VEPH1: variants seen among roughly 807,000 people sequenced by gnomAD.
The protein encoded by VEPH1 is ventricular zone-expressed PH domain-containing protein homolog 1.
Under a neutral mutation model 85.2 loss-of-function variants are expected in VEPH1, and 80 were observed. The ratio of observed to expected loss-of-function variants is 0.94; its 90% CI spans 0.78 to 1.13. The LOEUF (loss-of-function observed/expected upper bound fraction) is 1.13. VEPH1 is among the 50% of genes most tolerant of loss of function. VEPH1 has a pLI of 0.00. For synonymous variants in VEPH1, 297 were observed against 348.0 expected, an observed-to-expected ratio of 0.85 and a Z score of 1.63; for missense variants, 955 against 980.5, an observed-to-expected ratio of 0.97 and a Z score of 0.35.
intron 10 of VEPH1, among the ~76,000 whole-genome samples, chr3:157,315,082 A>T (rs1472611288): frequency 6.6e-6 from 1 of 152,122 alleles, no homozygotes; most frequent in East Asian, 1.9e-4. Context: ...AATGTATAAT[A>T]AAATAATGAG....
chr3:157,308,962 A>T (rs1221853171), intron 11 of VEPH1, among the ~76,000 whole-genome samples: 1 of 152,142 alleles, frequency 6.6e-6, no homozygotes, highest in East Asian at 1.9e-4. Flanking sequence ...CAGTAAAGTT[A>T]ATTATTATTA....
intron 11 of VEPH1, among the ~76,000 whole-genome samples, chr3:157,301,526 C>A (rs1169916232): frequency 6.6e-6 from 1 of 152,186 alleles, no homozygotes; most frequent in Non-Finnish European, 1.5e-5. Context: ...TAAAACAGCT[C>A]TCTACATATG....
intron 5 of VEPH1, among the ~76,000 whole-genome samples, chr3:157,414,331 T>G (rs923169208): frequency 1.3e-5 from 2 of 152,108 alleles, no homozygotes; most frequent in East Asian, 1.9e-4. Context: ...TGTTGAAGAG[T>G]GAAGTTTAAA....
At chr3:157,502,688 C>A (rs1740207203) in intron 1 of VEPH1, among the ~76,000 whole-genome samples, 1 of 151,966 alleles carries the variant, frequency 6.6e-6, no homozygotes, top group Admixed American at 6.6e-5. Flanking sequence ...ATATAAATGT[C>A]ATTTAATCCA....
chr3:157,272,413 T>TTCTC (rs1714799865), intron 12 of VEPH1, among the ~76,000 whole-genome samples: 1 of 147,788 alleles, frequency 6.8e-6, no homozygotes, highest in African/African-American at 2.5e-5. Flanking sequence ...CTTTCTTTCT[T>TTCTC]TCTTTCTTTC....
At chr3:157,364,535 A>C (rs1726423187) in intron 7 of VEPH1, 23 bp from the exon 8 acceptor site, 1 of 1,601,138 alleles carries the variant, frequency 6.2e-7, no homozygotes, top group Admixed American at 1.7e-5. Context: ...AAATCATTGC[A>C]TTAGATGCAG....
intron 10 of VEPH1, among the ~76,000 whole-genome samples, chr3:157,316,372 T>C (rs955315307): frequency 1.3e-5 from 2 of 151,810 alleles, no homozygotes; most frequent in African/African-American, 4.8e-5. Context: ...TTTTTCAACA[T>C]ATGTGTGACA....
chr3:157,431,597 A>C (rs1733156363), intron 4 of VEPH1, among the ~76,000 whole-genome samples: 1 of 152,016 alleles, frequency 6.6e-6, no homozygotes, highest in Non-Finnish European at 1.5e-5. Context: ...ATTACATAAC[A>C]TGTTCACAGG....
intron 9 of VEPH1, among the ~76,000 whole-genome samples, chr3:157,353,566 C>T (rs997106162): frequency 1.3e-5 from 2 of 152,052 alleles, no homozygotes; most frequent in Non-Finnish European, 2.9e-5. Context: ...GCACTCAGCC[C>T]CAGTGTGATT....
chr3:157,300,641 T>G (rs375549448), intron 11 of VEPH1, among the ~76,000 whole-genome samples: 13 of 152,270 alleles, frequency 8.5e-5, no homozygotes, highest in South Asian at 8.3e-4. Flanking sequence ...CTAAAGGAGA[T>G]AAGAGGATTA....
chr3:157,334,994 G>A, intron 9 of VEPH1, among the ~76,000 whole-genome samples: 1 of 152,090 alleles, frequency 6.6e-6, no homozygotes, highest in East Asian at 1.9e-4. Context: ...CATAAAATGA[G>A]GACAGTGCTA....
chr3:157,272,142 C>G (rs776894873), intron 12 of VEPH1, among the ~76,000 whole-genome samples: 4 of 152,126 alleles, frequency 2.6e-5, no homozygotes, highest in African/African-American at 4.8e-5. Context: ...GAAACTCTTG[C>G]AAAATCGCCC....
intron 3 of VEPH1, 109 bp from the exon 4 acceptor site, chr3:157,460,464 G>T: frequency 1.5e-6 from 2 of 1,344,140 alleles, no homozygotes; most frequent in Non-Finnish European, 2.0e-6. Context: ...GAGTACAGCT[G>T]TGAAAACACA....
In VEPH1 at chr3:157,363,849, G is replaced by T. The variant is rs550610907; in HGVS notation, c.1338-88C>A. 518 of 1,471,974 alleles carry T rather than the reference G, an allele frequency of 3.5e-4. 1 individual carries two copies. In the African/African-American group the frequency reaches 6.5e-3, roughly 18 times the overall value. 91.2% of individuals were successfully genotyped at this position (1,471,974 alleles called of 1,614,324 possible). The stretch of plus-strand genomic sequence containing the variant: ...AATAATAATAATATTGGGACAAAAA[G>T]TTACTTCCTCTGGAGTGTGAAACTA... On this transcript the variant is annotated intron_variant, in intron 8 of 13. Coordinates refer to ENST00000362010, the MANE Select transcript of VEPH1 (RefSeq NM_001167912.2).
intron 11 of VEPH1, among the ~76,000 whole-genome samples, chr3:157,306,919 C>T (rs1409414454): frequency 6.6e-6 from 1 of 151,940 alleles, no homozygotes; most frequent in Non-Finnish European, 1.5e-5. Flanking sequence ...AGCTTAGCTC[C>T]CACTTACAAG....
chr3:157,340,647 G>T (rs1376282653), intron 9 of VEPH1, among the ~76,000 whole-genome samples: 1 of 152,208 alleles, frequency 6.6e-6, no homozygotes, highest in Non-Finnish European at 1.5e-5. Flanking sequence ...AAACTTAAAT[G>T]TCCCTGTCTG....
intron 5 of VEPH1, 88 bp from the exon 6 acceptor site, chr3:157,414,178 T>C: frequency 1.9e-6 from 2 of 1,063,256 alleles, no homozygotes; most frequent in Non-Finnish European, 1.4e-6. Flanking sequence ...AAGCAAACTT[T>C]TTTTGCATTA....
At chr3:157,423,587 G>A (rs1577619793) in intron 5 of VEPH1, among the ~76,000 whole-genome samples, 1 of 152,352 alleles carries the variant, frequency 6.6e-6, no homozygotes, top group African/African-American at 2.4e-5. Flanking sequence ...ATGGCCTGAT[G>A]TCACACCCTT....
At chr3:157,320,179 G>A (rs1721206875) in intron 9 of VEPH1, among the ~76,000 whole-genome samples, 1 of 152,110 alleles carries the variant, frequency 6.6e-6, no homozygotes, top group Non-Finnish European at 1.5e-5. Context: ...TGATGGTCCT[G>A]CTCTTAAGAA....
Sources: allele counts gnomAD v4.1 joint callset (sites outside exome capture counted in the v4.1 genomes callset), GRCh38; gene constraint gnomAD v4.1.1; transcripts MANE v1.5; gene names NCBI Gene and HGNC (gene_info 2026-07-23, HGNC 2026-07-21).